Variants in NRXN1 observed in about 807,000 individuals in gnomAD.
NRXN1 encodes the protein neurexin 1, also known as neurexin-1.
In NRXN1, 39 loss-of-function variants were observed where a neutral mutation model predicts 150.9. The observed-to-expected ratio is 0.26, with a 90% confidence interval of 0.20 to 0.34. NRXN1 has a LOEUF of 0.34. NRXN1 is among the 10% of genes least tolerant of loss of function. The pLI, the probability that NRXN1 is intolerant of heterozygous loss-of-function variation, is 1.00. For missense variants in NRXN1, 1,815 were observed against 1,949.9 expected, an observed-to-expected ratio of 0.93 and a Z score of 1.30; for synonymous variants, 924 against 757.0, an observed-to-expected ratio of 1.22 and a Z score of -3.62.
At chr2:50,312,827 C>G (rs140690089) in intron 17 of NRXN1, 2 of 483,246 alleles carry the variant, frequency 4.1e-6, no homozygotes, top group Admixed American at 2.2e-5. Flanking sequence ...ATTAAACCAC[C>G]CTCCATTTCC....
At chr2:50,539,776 G>A (rs1289616560) in intron 9 of NRXN1, among the ~76,000 whole-genome samples, 2 of 152,162 alleles carry the variant, frequency 1.3e-5, no homozygotes, top group East Asian at 1.9e-4. Context: ...AGCATGCTGG[G>A]GCATGGGTAT....
At chr2:50,524,397 T>A (rs1040208380) in intron 12 of NRXN1, among the ~76,000 whole-genome samples, 3 of 151,890 alleles carry the variant, frequency 2.0e-5, no homozygotes, top group African/African-American at 7.3e-5. Context: ...GAGAACTGCT[T>A]GAATCTGGGA....
intron 18 of NRXN1, among the ~76,000 whole-genome samples, chr2:50,147,521 C>T (rs1465050726): frequency 6.6e-6 from 1 of 151,716 alleles, no homozygotes; most frequent in Non-Finnish European, 1.5e-5. Flanking sequence ...GACAAATGGA[C>T]AACAGACAGC....
chr2:50,214,850 C>T (rs1448578516), intron 18 of NRXN1, among the ~76,000 whole-genome samples: 7 of 151,946 alleles, frequency 4.6e-5, no homozygotes, highest in Non-Finnish European at 1.0e-4. Flanking sequence ...CTGTTTCATT[C>T]GATCTTCAGA....
chr2:50,025,757 T>C (rs190307821), intron 21 of NRXN1, among the ~76,000 whole-genome samples: 2 of 152,320 alleles, frequency 1.3e-5, no homozygotes, highest in Admixed American at 6.5e-5. Flanking sequence ...AGATATACTT[T>C]CCTATTTTAT....
At chr2:50,801,868 C>T (rs529703040) in intron 5 of NRXN1, among the ~76,000 whole-genome samples, 5 of 152,188 alleles carry the variant, frequency 3.3e-5, no homozygotes, top group South Asian at 2.1e-4. Context: ...TTCCTTAAAT[C>T]GAAATCAAAC....
intron 18 of NRXN1, among the ~76,000 whole-genome samples, chr2:50,124,551 C>CA (rs1274491608): frequency 6.6e-6 from 1 of 152,018 alleles, no homozygotes; most frequent in Non-Finnish European, 1.5e-5. Flanking sequence ...CAAATGCATA[C>CA]AGTTGTATTC....
intron 17 of NRXN1, among the ~76,000 whole-genome samples, chr2:50,289,072 G>T (rs1002836719): frequency 6.6e-6 from 1 of 152,048 alleles, no homozygotes; most frequent in Non-Finnish European, 1.5e-5. Context: ...ATTGAGATAG[G>T]GAACGTATAA....
At chr2:50,240,239 G>T (rs191657032) in intron 17 of NRXN1, among the ~76,000 whole-genome samples, 1 of 151,776 alleles carries the variant, frequency 6.6e-6, no homozygotes, top group African/African-American at 2.4e-5. Context: ...GTCAAACATT[G>T]CCATTATTTC....
At chr2:50,433,445 C>T (rs950692882) in intron 17 of NRXN1, among the ~76,000 whole-genome samples, 2 of 151,922 alleles carry the variant, frequency 1.3e-5, no homozygotes, top group South Asian at 2.1e-4. Context: ...ACATAAAATA[C>T]TATTTGGTAC....
At chr2:50,193,337 T>G (rs1291548626) in intron 18 of NRXN1, among the ~76,000 whole-genome samples, 1 of 152,216 alleles carries the variant, frequency 6.6e-6, no homozygotes, top group Non-Finnish European at 1.5e-5. Flanking sequence ...ATTTAGAGCC[T>G]ACGAGTGTTC....
At chr2:50,364,624 C>G (rs1361751357) in intron 17 of NRXN1, among the ~76,000 whole-genome samples, 1 of 152,106 alleles carries the variant, frequency 6.6e-6, no homozygotes, top group African/African-American at 2.4e-5. Flanking sequence ...ATCAGTCATG[C>G]ACTTTTACTA....
intron 5 of NRXN1, among the ~76,000 whole-genome samples, chr2:50,649,236 G>C (rs1159530813): frequency 7.1e-6 from 1 of 141,010 alleles, no homozygotes; most frequent in African/African-American, 2.8e-5. Flanking sequence ...TTAGGTACAA[G>C]CATGTATACA....
intron 5 of NRXN1, among the ~76,000 whole-genome samples, chr2:50,818,008 A>G (rs13420061): frequency 0.02 from 2,976 of 151,884 alleles, 96 homozygotes; most frequent in African/African-American, 0.067. Context: ...TAGAGCAATG[A>G]AGTAAGAAAG....
chr2:51,028,070 G>A lies in NRXN1; in HGVS notation c.204C>T (p.Leu68=), dbSNP rs2105333261. Residue 68 remains leucine, a synonymous_variant, in exon 2 of 23, where the codon CTC becomes CTT. Coordinates refer to ENST00000401669, the MANE Select transcript of NRXN1 (RefSeq NM_001330078.2). ...LKTRSARGLV[L]YFDDEGFCDF... The stretch of plus-strand genomic sequence containing the variant: ...CGCAGAAGCCCTCGTCGTCGAAGTA[G>A]AGCACGAGGCCGCGGGCGCTGCGAG... The A allele has an allele frequency of 6.3e-7, 1 of 1,595,784 alleles. No homozygotes were observed. Among genetic ancestry groups the A allele is most frequent in the Non-Finnish European group, 8.5e-7 (1 of 1,174,924 alleles).
chr2:50,361,176 C>G (rs1350349157), intron 17 of NRXN1, among the ~76,000 whole-genome samples: 1 of 151,932 alleles, frequency 6.6e-6, no homozygotes, highest in African/African-American at 2.4e-5. Flanking sequence ...GATCTAAAAT[C>G]AACACCCTAA....
chr2:51,008,863 T>C (rs777444654), intron 2 of NRXN1, among the ~76,000 whole-genome samples: 5 of 151,838 alleles, frequency 3.3e-5, no homozygotes, highest in African/African-American at 4.8e-5. Flanking sequence ...TTAAGGTTAT[T>C]TGGTAGGACA....
rs1342953820 is a variant in NRXN1, at chr2:51,026,467, T to C, written c.772+1035A>G. On this transcript the variant is annotated intron_variant, in intron 2 of 22. Coordinates refer to ENST00000401669, the MANE Select transcript of NRXN1 (RefSeq NM_001330078.2). ...AAAACACACTGAAGACCGAATTTTA[T>C]TTCTAAAGAGGAGAAAAGAGAACTT... The C allele has an allele frequency of 5.0e-6, 8 of 1,593,662 alleles. No individual in the cohort carries two copies. Among genetic ancestry groups the C allele is most frequent in the Non-Finnish European group, 6.9e-6 (8 of 1,167,292 alleles).
At chr2:50,154,908 A>C (rs1177903575) in intron 18 of NRXN1, among the ~76,000 whole-genome samples, 1 of 151,660 alleles carries the variant, frequency 6.6e-6, no homozygotes, top group Non-Finnish European at 1.5e-5. Context: ...TTAATGTATT[A>C]AAATTATTAA....
Sources: gnomAD v4.1 joint callset for allele counts (sites outside exome capture counted in the v4.1 genomes callset) on GRCh38, gnomAD v4.1.1 for gene constraint, MANE v1.5 for transcripts, NCBI Gene and HGNC (gene_info 2026-07-23, HGNC 2026-07-21) for gene names.